The following TRERF1 variants were observed in gnomAD, a reference collection of about 807,000 sequenced individuals.
TRERF1 encodes transcriptional-regulating factor 1.
TRERF1 carries 27 observed loss-of-function variants against 122.9 expected under a neutral mutation model. That is an observed-to-expected ratio of 0.22 (90% confidence interval 0.16 to 0.30). The LOEUF (loss-of-function observed/expected upper bound fraction) is 0.30, where lower values mean the gene tolerates loss of function less well. Among genes scored for constraint, TRERF1 ranks in the 10% least tolerant of loss-of-function variants. The pLI, the probability that TRERF1 is intolerant of heterozygous loss-of-function variation, is 1.00. For synonymous variants in TRERF1, 636 were observed against 641.7 expected (o/e 0.99, Z 0.13); for missense variants, 1,248 against 1,560.3 (o/e 0.80, Z 3.37).
chr6:42,292,447 G>C (rs1455100046), intron 4 of TRERF1, among the ~76,000 whole-genome samples: 1 of 152,180 alleles, frequency 6.6e-6, no homozygotes, highest in Non-Finnish European at 1.5e-5. Context: ...TATCCACAAT[G>C]ATGATCCAGA....
rs552327587 is a variant in TRERF1, at chr6:42,349,072, A to G, written c.-371+13925T>C. ...CTTGGAACTGCAGAAGGCTCTGTAT[A>G]ATGCACCGTGAGGATTTGGAGGTAC... On this transcript the variant is annotated intron_variant, in intron 3 of 17. Transcript: ENST00000372922. Among the ~76,000 whole-genome samples, 5 of 152,252 alleles carry G rather than the reference A, an allele frequency of 3.3e-5. No homozygotes were observed. The South Asian group carries it at 1.0e-3, about 32-fold the overall frequency.
intron 2 of TRERF1, among the ~76,000 whole-genome samples, chr6:42,424,952 G>A (rs1783375826): frequency 1.3e-5 from 2 of 152,168 alleles, no homozygotes; most frequent in African/African-American, 4.8e-5. Flanking sequence ...TGTATCTGTT[G>A]AATTAATGAA....
intron 12 of TRERF1, 62 bp from the exon 13 acceptor site, chr6:42,254,988 T>C (rs927573984): frequency 1.2e-5 from 18 of 1,540,348 alleles, no homozygotes; most frequent in Non-Finnish European, 1.5e-5. Context: ...CCTATGGAGA[T>C]CATCTACCCA....
chr6:42,343,895 G>A (rs755481735), intron 3 of TRERF1, among the ~76,000 whole-genome samples: 5 of 152,222 alleles, frequency 3.3e-5, no homozygotes, highest in East Asian at 3.9e-4. Context: ...GGAGGAAGAC[G>A]GACTGACGCA....
intron 4 of TRERF1, among the ~76,000 whole-genome samples, chr6:42,285,648 A>G (rs1270692373): frequency 6.6e-6 from 1 of 150,856 alleles, no homozygotes; most frequent in Non-Finnish European, 1.5e-5. Context: ...TTATTTTGAA[A>G]TACGTCCCAT....
chr6:42,312,841 T>C (rs1761907804), intron 3 of TRERF1, among the ~76,000 whole-genome samples: 1 of 152,162 alleles, frequency 6.6e-6, no homozygotes, highest in African/African-American at 2.4e-5. Context: ...AAGGGCAGAG[T>C]GGGAGACAGA....
chr6:42,304,066 C>T (rs868052342), intron 3 of TRERF1, among the ~76,000 whole-genome samples: 21 of 152,200 alleles, frequency 1.4e-4, no homozygotes, highest in African/African-American at 5.1e-4. Flanking sequence ...CTTGCCCTCC[C>T]TCCCAATGTA....
chr6:42,260,579 G>A (rs1180022782), intron 8 of TRERF1, among the ~76,000 whole-genome samples: 1 of 152,186 alleles, frequency 6.6e-6, no homozygotes, highest in South Asian at 2.1e-4. Flanking sequence ...GCCCAGAAAA[G>A]TCGAGAGCTG....
chr6:42,435,030 C>G lies in TRERF1; in HGVS notation c.-454+16147G>C, dbSNP rs374326811. On this transcript the variant is annotated intron_variant, in intron 2 of 17. Transcript: ENST00000372922. ...CTGTAATCCCAGCTACTTCAGGAGG[C>G]TGAGGCAGGAGAATCGCTTGAACCC... Among the ~76,000 whole-genome samples the G allele has an allele frequency of 1.6e-4, 25 of 152,018 alleles. No individual in the cohort carries two copies. The East Asian group carries it at 4.6e-3, about 28-fold the overall frequency.
intron 4 of TRERF1, among the ~76,000 whole-genome samples, chr6:42,278,185 G>A (rs1461752972): frequency 6.6e-6 from 1 of 152,190 alleles, no homozygotes; most frequent in Non-Finnish European, 1.5e-5. Flanking sequence ...TCAGGGTTCT[G>A]GATCCAGTTG....
chr6:42,290,745 T>TA lies in TRERF1; in HGVS notation c.-259+9892_-259+9893insT, dbSNP rs1561922751. 7.3e-5 allele frequency among the ~76,000 whole-genome samples: 6 copies of TA among 82,550 alleles called. No individual in the cohort carries two copies. The East Asian group carries it at 2.6e-3, about 35-fold the overall frequency. 54.2% of individuals were successfully genotyped at this position (82,550 alleles called of 152,430 possible). A position where few individuals can be genotyped will look rare whatever the true frequency, so the allele number is the denominator to read the frequency against. ...ATCCTTTTTTCCATTTCTTTCCTTT[T>TA]TTTTTTTTTTTTTTTTTTTGAACAG... On this transcript the variant is annotated intron_variant, in intron 4 of 17. Coordinates refer to ENST00000372922, the Ensembl canonical transcript of TRERF1.
At chr6:42,374,273 A>T (rs1774408520) in intron 2 of TRERF1, among the ~76,000 whole-genome samples, 1 of 152,112 alleles carries the variant, frequency 6.6e-6, no homozygotes, top group Non-Finnish European at 1.5e-5. Context: ...CCCTTCCTGG[A>T]CCACTGGCTA....
chr6:42,324,799 C>T (rs1764006170), intron 3 of TRERF1, among the ~76,000 whole-genome samples: 1 of 152,058 alleles, frequency 6.6e-6, no homozygotes, highest in Non-Finnish European at 1.5e-5. Flanking sequence ...TATAAAAATC[C>T]TAGAAGAAAA....
chr6:42,289,275 G>A (rs1036676300), intron 4 of TRERF1, among the ~76,000 whole-genome samples: 7 of 151,224 alleles, frequency 4.6e-5, no homozygotes, highest in Non-Finnish European at 7.4e-5. Context: ...GCAGTGAGCC[G>A]TTATCATGCC....
intron 4 of TRERF1, among the ~76,000 whole-genome samples, chr6:42,284,659 ATTTGTGG>A (rs1322054069): frequency 1.4e-4 from 22 of 152,322 alleles, no homozygotes; most frequent in African/African-American, 4.3e-4. Context: ...CCGTGACTAC[ATTTGTGG>A]GAGTGGGTGC....
At chr6:42,392,560 C>A (rs537477174) in intron 2 of TRERF1, among the ~76,000 whole-genome samples, 18 of 152,224 alleles carry the variant, frequency 1.2e-4, no homozygotes, top group African/African-American at 3.6e-4. Flanking sequence ...TAAGACCTAT[C>A]CAGAAAGGAT....
chr6:42,366,004 C>T (rs879760632), intron 2 of TRERF1, among the ~76,000 whole-genome samples: 1 of 152,154 alleles, frequency 6.6e-6, no homozygotes, highest in Non-Finnish European at 1.5e-5. Flanking sequence ...CCATGCGTAC[C>T]TCTGCTCACC....
chr6:42,435,966 C>T (rs957492457), intron 2 of TRERF1, among the ~76,000 whole-genome samples: 14 of 149,596 alleles, frequency 9.4e-5, no homozygotes, highest in East Asian at 2.0e-4. Flanking sequence ...GGCGACAGTG[C>T]GAGACTCCAT....
chr6:42,238,819 C>T (rs1236601177), intron 15 of TRERF1, among the ~76,000 whole-genome samples: 2 of 144,054 alleles, frequency 1.4e-5, no homozygotes, highest in African/African-American at 5.2e-5. Context: ...TGAATGCCTG[C>T]TGAGAATCAT....
Sources: gnomAD v4.1 joint callset for allele counts (sites outside exome capture counted in the v4.1 genomes callset) on GRCh38, gnomAD v4.1.1 for gene constraint, MANE v1.5 for transcripts, NCBI Gene and HGNC (gene_info 2026-07-23, HGNC 2026-07-21) for gene names.